The following PCDHGB3 variants were observed in gnomAD, a reference collection of about 807,000 sequenced individuals.
The protein encoded by PCDHGB3 is protocadherin gamma subfamily B, 3, also known as protocadherin gamma-B3.
A neutral mutation model predicts 59.2 loss-of-function variants in PCDHGB3; 40 were observed. That is an observed-to-expected ratio of 0.68 (90% CI 0.52 to 0.88). PCDHGB3 has a LOEUF of 0.88. Ranked by LOEUF, PCDHGB3 falls within the 40% of genes least tolerant of loss-of-function variation. The pLI is 0.00. For missense variants in PCDHGB3, 1,309 were observed against 1,187.9 expected (o/e 1.10, Z -1.50); for synonymous variants, 581 against 503.6 (o/e 1.15, Z -2.06).
In PCDHGB3 at chr5:141,372,730, ATCT is replaced by A. The variant is rs751345248; in HGVS notation, c.2340_2342del (p.Leu781del). On this transcript the variant is annotated inframe_deletion, in exon 1 of 4. Transcript: ENST00000576222. ...AAGGCTGAAAATGCTGCACCACAAG[ATCT>A]TCTATGTGATGAAGCCTCTTGGTTT... 33 of 1,613,530 alleles carry A rather than the reference ATCT, an allele frequency of 2.0e-5. No homozygotes were observed. In the East Asian group the frequency reaches 7.1e-4, roughly 35 times the overall value.
chr5:141,370,805 C>T lies in PCDHGB3; in HGVS notation c.411C>T (p.Ile137=). ...ACCCACCGACCTTTAGCCAAAATAT[C>T]ACTGAGCTGGAAATCAGCGAACTGG... The part of the protein sequence containing the change: ...NDNPPTFSQN[I]TELEISELAL... Residue 137 remains isoleucine (I), a synonymous_variant, in exon 1 of 4, where the codon ATC becomes ATT. Transcript: ENST00000576222. 6.2e-7 allele frequency: 1 copy of T among 1,614,026 alleles called. No individual in the cohort carries two copies. Among genetic ancestry groups the T allele is most frequent in the Non-Finnish European group, 8.5e-7 (1 of 1,179,896 alleles).
chr5:141,441,740 G>T (rs1241907865), intron 1 of PCDHGB3: 2 of 364,772 alleles, frequency 5.5e-6, no homozygotes, highest in Non-Finnish European at 1.1e-5. Context: ...ACTAGCTCGC[G>T]CTCGGCGTCA....
chr5:141,415,740 GTTTTTTTTTTTT>G lies in PCDHGB3; in HGVS notation c.2415+42952_2415+42963del, dbSNP rs57426385. ...TGAGTAGAATTTGATGTTTATTAAGGTTTTTTTTTTTTTTTTTTTTTTTTTTTTTTTTACTTT... is the reference window on the plus strand; with the variant it reads ...TGAGTAGAATTTGATGTTTATTAAGGTTTTTTTTTTTTTTTTTTTTACTTT... On this transcript the variant is annotated intron_variant, in intron 1 of 3. Transcript: ENST00000576222. The G allele has an allele frequency of 5.3e-4, 329 of 624,896 alleles. 2 individuals are homozygous for G. Among genetic ancestry groups the G allele is most frequent in the African/African-American group, 1.2e-3 (49 of 39,888 alleles). The allele number at this position is 624,896 out of a possible 1,614,324, so 38.7% of individuals were successfully genotyped here.
At chr5:141,410,851 T>A in intron 1 of PCDHGB3, 3 of 207,068 alleles carry the variant, frequency 1.4e-5, no homozygotes, top group Non-Finnish European at 1.7e-5. Flanking sequence ...GTCTTTGTCT[T>A]TTTTTTTTTT....
Position 141,372,395 on chromosome 5 carries a change from C to G in PCDHGB3, c.2001C>G (p.Ser667Arg), listed in dbSNP as rs1768730158. The G allele has an allele frequency of 6.2e-7, 1 of 1,613,942 alleles. No homozygotes were observed. The highest frequency in any genetic ancestry group is 1.7e-5 in the Admixed American group (1 of 60,016). ...TVMLHLIFAD[S>R]LQEIQPDLSD... is the part of the protein sequence containing the mutation. ...TGCTGCACCTAATCTTCGCAGATAGCTTGCAAGAGATACAACCTGACCTTA... is the reference window on the plus strand; with the variant it reads ...TGCTGCACCTAATCTTCGCAGATAGGTTGCAAGAGATACAACCTGACCTTA... Residue 667 changes from serine (S) to arginine (R), a missense_variant, in exon 1 of 4, where the codon AGC (serine) becomes AGG (arginine). By Grantham distance (110) the Ser-to-Arg change is moderately radical. Coordinates refer to ENST00000576222, the MANE Select transcript of PCDHGB3 (RefSeq NM_018924.5).
intron 1 of PCDHGB3, chr5:141,420,181 T>C (rs1590216182): frequency 6.2e-7 from 1 of 1,613,998 alleles, no homozygotes; most frequent in Non-Finnish European, 8.5e-7. Context: ...TTGATCATTG[T>C]CCAGCCACAC....
Position 141,502,485 on chromosome 5 carries a change from G to A in PCDHGB3, c.2475-2908G>A, listed in dbSNP as rs187600890. ...AATACTTCCCGCAGCATCACACTGG[G>A]ACTCATCTAACGTCGGCCTGTCCCA... On this transcript the variant is annotated intron_variant, in intron 2 of 3. Coordinates refer to ENST00000576222, the MANE Select transcript of PCDHGB3 (RefSeq NM_018924.5). 8.4e-3 allele frequency among the ~76,000 whole-genome samples: 1,276 copies of A among 152,270 alleles called. 22 individuals carry two copies. Among genetic ancestry groups the A allele is most frequent in the African/African-American group, 0.028 (1,151 of 41,542 alleles).
In PCDHGB3 at chr5:141,394,672, G is replaced by A. The variant is rs1407775660; in HGVS notation, c.2415+21863G>A. 4 of 1,612,088 alleles carry A rather than the reference G, an allele frequency of 2.5e-6. No individual in the cohort carries two copies. In the African/African-American group the frequency reaches 5.4e-5, roughly 22 times the overall value. On this transcript the variant is annotated intron_variant, in intron 1 of 3. Transcript: ENST00000576222. Reference sequence around the variant, plus strand: ...AGCGAGCCGGGACTCTTCTCGGTGGGTCTGCACACGGGCGAGGTGCGCACG... The same window carrying A: ...AGCGAGCCGGGACTCTTCTCGGTGGATCTGCACACGGGCGAGGTGCGCACG...
At chr5:141,438,591 C>CATATATATATATAT (rs946798767) in intron 1 of PCDHGB3, among the ~76,000 whole-genome samples, 3 of 75,556 alleles carry the variant, frequency 4.0e-5, no homozygotes, top group Non-Finnish European at 8.0e-5. Context: ...TACATACATA[C>CATATATATATATAT]ATATATATAT....
chr5:141,504,546 G>A (rs911626023), intron 2 of PCDHGB3, among the ~76,000 whole-genome samples: 5 of 151,802 alleles, frequency 3.3e-5, no homozygotes, highest in African/African-American at 1.2e-4. Flanking sequence ...CATGGCAAAT[G>A]TTGGGGGACT....
In PCDHGB3 at chr5:141,476,585, G is replaced by C; in HGVS notation, c.2416-18222G>C. 6.2e-7 allele frequency: 1 copy of C among 1,614,214 alleles called. No homozygotes were observed. The highest frequency in any genetic ancestry group is 8.5e-7 in the Non-Finnish European group (1 of 1,180,040). On this transcript the variant is annotated intron_variant, in intron 1 of 3. Coordinates refer to ENST00000576222, the MANE Select transcript of PCDHGB3 (RefSeq NM_018924.5). The surrounding 1 kb of genome is among the most constrained non-coding windows in gnomAD (Gnocchi z 7.6). ...GGCTCCGGGGACGCGCTTTCCGCTC[G>C]AGAGCGCGCACGATCCCGATGTGGG...
chr5:141,408,509 G>T, intron 1 of PCDHGB3: 1 of 1,614,048 alleles, frequency 6.2e-7, no homozygotes, highest in Non-Finnish European at 8.5e-7. Flanking sequence ...AAGAAGATGT[G>T]AGTTGCAATT....
intron 1 of PCDHGB3, among the ~76,000 whole-genome samples, chr5:141,435,951 G>C (rs371199258): frequency 3.9e-5 from 6 of 152,100 alleles, no homozygotes; most frequent in African/African-American, 1.4e-4. Flanking sequence ...ACCAAAAAAG[G>C]GGGCAAAATA....
intron 1 of PCDHGB3, among the ~76,000 whole-genome samples, chr5:141,460,889 G>A (rs901987902): frequency 3.3e-5 from 5 of 150,280 alleles, no homozygotes; most frequent in East Asian, 3.9e-4. Flanking sequence ...ATGCCTTTTC[G>A]TGGCTGAGTA....
chr5:141,422,092 G>A (rs2154549502), intron 1 of PCDHGB3: 6 of 1,611,520 alleles, frequency 3.7e-6, no homozygotes, highest in Non-Finnish European at 5.1e-6. Flanking sequence ...GGAAAGCAAG[G>A]CTTCTGAAAT....
At chr5:141,417,949 TGA>T (rs2096196504) in intron 1 of PCDHGB3, 1 of 1,613,400 alleles carries the variant, frequency 6.2e-7, no homozygotes, top group Non-Finnish European at 8.5e-7. Context: ...CCACGCTGTG[TGA>T]GCCGATCCGC....
chr5:141,412,790 A>G lies in PCDHGB3; in HGVS notation c.2415+39981A>G, dbSNP rs557299291. ...ATTTACAATATTTTCACTCCACTTTATCACACCTCCCCTAAGAAACCTACA... is the reference window on the plus strand; with the variant it reads ...ATTTACAATATTTTCACTCCACTTTGTCACACCTCCCCTAAGAAACCTACA... On this transcript the variant is annotated intron_variant, in intron 1 of 3. Coordinates refer to ENST00000576222, the MANE Select transcript of PCDHGB3 (RefSeq NM_018924.5). Among the ~76,000 whole-genome samples the G allele has an allele frequency of 2.0e-5, 3 of 152,370 alleles. No individual in the cohort carries two copies. The South Asian group carries it at 6.2e-4, about 32-fold the overall frequency.
At chr5:141,437,650 A>G in intron 1 of PCDHGB3, among the ~76,000 whole-genome samples, 1 of 152,314 alleles carries the variant, frequency 6.6e-6, no homozygotes, top group Non-Finnish European at 1.5e-5. Context: ...AAAAGCAAAC[A>G]CATAGTTTCG....
At chr5:141,409,690 A>G in intron 1 of PCDHGB3, 1 of 1,613,354 alleles carries the variant, frequency 6.2e-7, no homozygotes. Flanking sequence ...CGAGTGACCT[A>G]GAGCCCCTGG....
Sources: allele counts gnomAD v4.1 joint callset (sites outside exome capture counted in the v4.1 genomes callset), GRCh38; gene constraint gnomAD v4.1.1; non-coding constraint Gnocchi (gnomAD v3.1); transcripts MANE v1.5; gene names NCBI Gene and HGNC (gene_info 2026-07-23, HGNC 2026-07-21).